NDST4: variants seen among roughly 807,000 people sequenced by gnomAD.
The protein encoded by NDST4 is N-heparan sulfate sulfotransferase 4.
In NDST4, 63 loss-of-function variants were observed where a neutral mutation model predicts 100.8. That is an observed-to-expected ratio of 0.62 (90% CI 0.51 to 0.77). The LOEUF (loss-of-function observed/expected upper bound fraction) is 0.77, where lower values mean the gene tolerates loss of function less well. Ranked by LOEUF, NDST4 falls within the 30% of genes least tolerant of loss-of-function variation. NDST4 has a pLI of 0.00. For synonymous variants in NDST4, 377 were observed against 361.8 expected (o/e 1.04, Z -0.48); for missense variants, 943 against 1,018.4 (o/e 0.93, Z 1.01).
At chr4:114,991,938 A>G (rs1270713322) in intron 2 of NDST4, among the ~76,000 whole-genome samples, 4 of 151,958 alleles carry the variant, frequency 2.6e-5, no homozygotes, top group African/African-American at 9.7e-5. Flanking sequence ...GAGATCTGGC[A>G]TATACCTTTT....
At chr4:114,841,752 G>C (rs949809050) in intron 10 of NDST4, among the ~76,000 whole-genome samples, 4 of 152,146 alleles carry the variant, frequency 2.6e-5, no homozygotes, top group African/African-American at 9.7e-5. Context: ...CACAAACTGA[G>C]AAAGACATAA....
chr4:115,077,118 A>G lies in NDST4; in HGVS notation c.-82T>C. 1 of 1,271,676 alleles carries G rather than the reference A, an allele frequency of 7.9e-7. No homozygotes were observed. Among genetic ancestry groups the G allele is most frequent in the South Asian group, 1.5e-5 (1 of 65,430 alleles). The allele number at this position is 1,271,676 out of a possible 1,614,324, so 78.8% of individuals were successfully genotyped here. On this transcript the variant is annotated 5_prime_UTR_variant, in exon 2 of 14. Transcript: ENST00000264363. ...GTGAATAAAGTATGAGATGTTGCAA[A>G]TATCACTTCCCCAGAGTTCATGTAA...
chr4:114,967,368 C>T (rs1328473196), intron 4 of NDST4, among the ~76,000 whole-genome samples: 1 of 152,088 alleles, frequency 6.6e-6, no homozygotes, highest in East Asian at 1.9e-4. Context: ...AGTGTAGTTT[C>T]TAGCCACGCT....
At chr4:114,872,910 G>A (rs758278966) in intron 6 of NDST4, among the ~76,000 whole-genome samples, 47 of 151,824 alleles carry the variant, frequency 3.1e-4, no homozygotes, top group South Asian at 1.7e-3. Flanking sequence ...TTTGACATCC[G>A]TCATTTTTTT....
chr4:114,931,419 G>T (rs1471423853), intron 6 of NDST4, among the ~76,000 whole-genome samples: 1 of 150,660 alleles, frequency 6.6e-6, no homozygotes, highest in East Asian at 1.9e-4. Flanking sequence ...AAAGATATCA[G>T]ATAAAAAGCT....
At chr4:115,079,510 T>G (rs1427242643) in intron 1 of NDST4, among the ~76,000 whole-genome samples, 1 of 152,202 alleles carries the variant, frequency 6.6e-6, no homozygotes, top group Admixed American at 6.5e-5. Context: ...TCTACACTGT[T>G]AGAGTACTTA....
At chr4:114,839,353 G>C in intron 11 of NDST4, 25 bp downstream of exon 11, 1 of 1,581,164 alleles carries the variant, frequency 6.3e-7, no homozygotes, top group Non-Finnish European at 8.6e-7. Flanking sequence ...AAAATAAACA[G>C]AAGAAAGTAA....
At chr4:114,850,658 ACTC>A (rs1462507973) in intron 8 of NDST4, among the ~76,000 whole-genome samples, 1 of 151,860 alleles carries the variant, frequency 6.6e-6, no homozygotes, top group Admixed American at 6.6e-5. Flanking sequence ...TATACAATCA[ACTC>A]CTCCTTAGTT....
chr4:114,846,102 T>G, intron 9 of NDST4, 105 bp from the exon 10 acceptor site: 2 of 858,006 alleles, frequency 2.3e-6, no homozygotes, highest in Admixed American at 2.7e-5. Flanking sequence ...TAGCTATTTC[T>G]GATTATTATG....
intron 2 of NDST4, among the ~76,000 whole-genome samples, chr4:115,033,144 TATATATATA>T (rs1355922818): frequency 2.2e-4 from 29 of 129,130 alleles, no homozygotes; most frequent in Middle Eastern, 3.9e-3. Context: ...TATATATATA[TATATATATA>T]TATATTTTTT....
At chr4:115,042,142 C>G (rs961738696) in intron 2 of NDST4, among the ~76,000 whole-genome samples, 3 of 152,064 alleles carry the variant, frequency 2.0e-5, no homozygotes, top group Admixed American at 6.6e-5. Context: ...ATAAACAATT[C>G]ATAAGTTTTA....
At chr4:114,927,082 A>G (rs900884368) in intron 6 of NDST4, among the ~76,000 whole-genome samples, 19 of 152,022 alleles carry the variant, frequency 1.2e-4, no homozygotes, top group African/African-American at 4.3e-4. Flanking sequence ...CTACCATTAG[A>G]TATCTTCCCA....
chr4:114,864,470 A>T (rs1723983731), intron 7 of NDST4, among the ~76,000 whole-genome samples: 1 of 152,068 alleles, frequency 6.6e-6, no homozygotes, highest in South Asian at 2.1e-4. Flanking sequence ...TCCAAGTTGT[A>T]TTGTACAGGG....
intron 2 of NDST4, among the ~76,000 whole-genome samples, chr4:115,067,900 C>T (rs978099131): frequency 8.7e-6 from 1 of 115,162 alleles, no homozygotes; most frequent in Non-Finnish European, 1.7e-5. Flanking sequence ...TCCCTCCCCC[C>T]ACCCCACGAC....
Position 114,941,300 on chromosome 4 carries a change from TCTTA to T in NDST4, c.1222-3801_1222-3798del, listed in dbSNP as rs1340805742. ...AGTTGTCTAGATTCATCATCTTTGCTCTTACTTTTTCACTAAGTTGCTTCTACTG... is the reference window on the plus strand; with the variant it reads ...AGTTGTCTAGATTCATCATCTTTGCTCTTTTTCACTAAGTTGCTTCTACTG... On this transcript the variant is annotated intron_variant, in intron 4 of 13. Transcript: ENST00000264363. 2.6e-5 allele frequency among the ~76,000 whole-genome samples: 4 copies of T among 152,264 alleles called. No individual in the cohort carries two copies. In the East Asian group the frequency reaches 7.7e-4, roughly 29 times the overall value.
intron 2 of NDST4, among the ~76,000 whole-genome samples, chr4:114,996,622 C>T (rs1290856437): frequency 6.6e-6 from 1 of 151,980 alleles, no homozygotes; most frequent in African/African-American, 2.4e-5. Context: ...AAGCCAAGTC[C>T]CCCTCCTTGT....
rs374375848 is a variant in NDST4, at chr4:115,100,227, A to C, written c.-247+13217T>G. On this transcript the variant is annotated intron_variant, in intron 1 of 13. Transcript: ENST00000264363. ...GGGTAGTGAAATTTTTCTATTTAAT[A>C]CTATGAAAATTAATACATAATTAAA... Among the ~76,000 whole-genome samples the C allele has an allele frequency of 1.8e-4, 27 of 152,158 alleles. No homozygotes were observed. In the South Asian group the frequency reaches 5.6e-3, roughly 32 times the overall value.
At chr4:114,965,924 T>A (rs1240874544) in intron 4 of NDST4, among the ~76,000 whole-genome samples, 1 of 152,044 alleles carries the variant, frequency 6.6e-6, no homozygotes, top group Admixed American at 6.5e-5. Flanking sequence ...TGTTTCTAGT[T>A]CTCTTTAGCC....
intron 4 of NDST4, among the ~76,000 whole-genome samples, chr4:114,948,780 T>A (rs2126231123): frequency 6.6e-6 from 1 of 152,150 alleles, no homozygotes; most frequent in Non-Finnish European, 1.5e-5. Context: ...TGCAGAGAAC[T>A]AAAGTGTCAA....
Sources: allele counts gnomAD v4.1 joint callset (sites outside exome capture counted in the v4.1 genomes callset), GRCh38; gene constraint gnomAD v4.1.1; transcripts MANE v1.5; gene names NCBI Gene and HGNC (gene_info 2026-07-23, HGNC 2026-07-21).